The following AUTS2 variants were observed in gnomAD, a reference collection of about 807,000 sequenced individuals.
AUTS2 encodes the protein activator of transcription and developmental regulator AUTS2, also known as autism susceptibility gene 2 protein.
In AUTS2, 17 loss-of-function variants were observed where a neutral mutation model predicts 112.4. That is an observed-to-expected ratio of 0.15 (90% CI 0.10 to 0.23). The LOEUF (loss-of-function observed/expected upper bound fraction) is 0.23. Among genes scored for constraint, AUTS2 ranks in the 10% least tolerant of loss-of-function variants. The pLI is 1.00. For missense variants in AUTS2, 1,510 were observed against 1,701.6 expected (o/e 0.89, Z 1.98); for synonymous variants, 751 against 702.7 (o/e 1.07, Z -1.09).
intron 4 of AUTS2, among the ~76,000 whole-genome samples, chr7:70,268,149 G>A (rs1787524092): frequency 6.6e-6 from 1 of 152,106 alleles, no homozygotes; most frequent in African/African-American, 2.4e-5. Context: ...CCATACATCT[G>A]ACTCCTCCTT....
intron 3 of AUTS2, among the ~76,000 whole-genome samples, chr7:70,130,244 G>GT (rs2129574501): frequency 6.6e-6 from 1 of 152,316 alleles, no homozygotes; most frequent in South Asian, 2.1e-4. Flanking sequence ...CATGTGTCCT[G>GT]TCTGTACTCA....
At chr7:70,452,261 C>A (rs1470253436) in intron 5 of AUTS2, among the ~76,000 whole-genome samples, 2 of 151,960 alleles carry the variant, frequency 1.3e-5, no homozygotes, top group Non-Finnish European at 2.9e-5. Context: ...AAGGTGTAGA[C>A]CAACCTGAGT....
chr7:69,828,962 G>A (rs535307755), intron 1 of AUTS2, among the ~76,000 whole-genome samples: 1 of 152,222 alleles, frequency 6.6e-6, no homozygotes, highest in South Asian at 2.1e-4. Flanking sequence ...ATCCAGTATA[G>A]GAGGCATCAT....
chr7:70,289,297 A>T (rs1001626842), intron 4 of AUTS2, among the ~76,000 whole-genome samples: 11 of 152,256 alleles, frequency 7.2e-5, no homozygotes, highest in Non-Finnish European at 1.5e-4. Flanking sequence ...TTGTAACTGC[A>T]TAAGAATCCA....
At chr7:70,448,610 T>G (rs1440686641) in intron 5 of AUTS2, among the ~76,000 whole-genome samples, 1 of 152,226 alleles carries the variant, frequency 6.6e-6, no homozygotes, top group Non-Finnish European at 1.5e-5. Flanking sequence ...ACAGTAATTA[T>G]TTCTCTCAGA....
chr7:70,496,390 C>G (rs1240971223), intron 5 of AUTS2, among the ~76,000 whole-genome samples: 1 of 113,238 alleles, frequency 8.8e-6, no homozygotes, highest in Non-Finnish European at 1.8e-5. Context: ...TCACACACAC[C>G]ACGTACACAG....
At chr7:69,876,361 T>TAA (rs1272523373) in intron 1 of AUTS2, among the ~76,000 whole-genome samples, 2 of 108,606 alleles carry the variant, frequency 1.8e-5, no homozygotes, top group African/African-American at 3.7e-5. Context: ...TATATATATA[T>TAA]ATATATATAT....
At chr7:70,065,407 A>G (rs1802441407) in intron 2 of AUTS2, among the ~76,000 whole-genome samples, 1 of 152,204 alleles carries the variant, frequency 6.6e-6, no homozygotes, top group Non-Finnish European at 1.5e-5. Flanking sequence ...AAAAATTATT[A>G]TTATTGCCAG....
At chr7:70,734,533 C>T (rs1293992756) in intron 6 of AUTS2, among the ~76,000 whole-genome samples, 1 of 151,920 alleles carries the variant, frequency 6.6e-6, no homozygotes, top group Non-Finnish European at 1.5e-5. Context: ...AAAATCTGTC[C>T]CAGAATGAGG....
chr7:69,784,313 C>T lies in AUTS2; in HGVS notation c.310-114973C>T, dbSNP rs529063026. On this transcript the variant is annotated intron_variant, in intron 1 of 18. Coordinates refer to ENST00000342771, the MANE Select transcript of AUTS2 (RefSeq NM_015570.4). Reference sequence around the variant, plus strand: ...AAAATCCTGGCATGATCTTTCCTCTCATAACTTGAAGTACTCAGCTAGAGG... The same window carrying T: ...AAAATCCTGGCATGATCTTTCCTCTTATAACTTGAAGTACTCAGCTAGAGG... Among the ~76,000 whole-genome samples the T allele has an allele frequency of 3.4e-4, 52 of 152,332 alleles. 1 individual carries two copies. Among genetic ancestry groups the T allele is most frequent in the African/African-American group, 1.1e-3 (45 of 41,588 alleles).
rs1428746227 is a variant in AUTS2, at chr7:70,781,720, G to A, written c.2110G>A (p.Asp704Asn). ...TTTTGGAGCCATCCACCACCCCCATGACCTGGCACGGCCTTCAACTTTGTT... is the reference window on the plus strand; with the variant it reads ...TTTTGGAGCCATCCACCACCCCCATAACCTGGCACGGCCTTCAACTTTGTT... Reference protein sequence around the residue: ...SLFGAIHHPHDLARPSTLFSA... With the variant: ...SLFGAIHHPHNLARPSTLFSA... The change falls in exon 15 of 19, where the codon GAC becomes AAC. Residue 704 changes from aspartate (D) to asparagine (N), a missense_variant. Coordinates refer to ENST00000342771, the MANE Select transcript of AUTS2 (RefSeq NM_015570.4). The A allele has an allele frequency of 2.5e-6, 4 of 1,614,188 alleles. No homozygotes were observed. The South Asian group carries it at 4.4e-5, about 18-fold the overall frequency.
chr7:70,623,523 C>G lies in AUTS2; in HGVS notation c.691-75046C>G, dbSNP rs558070014. Among the ~76,000 whole-genome samples, 11 of 152,282 alleles carry G rather than the reference C, an allele frequency of 7.2e-5. No individual in the cohort carries two copies. In the East Asian group the frequency reaches 2.1e-3, roughly 29 times the overall value. ...ATCAGTTCCTCAGTGACACACTAGC[C>G]AGTTTCAAGAGTACAGTGGTCACTC... On this transcript the variant is annotated intron_variant, in intron 5 of 18. Coordinates refer to ENST00000342771, the MANE Select transcript of AUTS2 (RefSeq NM_015570.4).
At chr7:70,099,633 GTGGCATTT>G (rs1254586063) in intron 2 of AUTS2, among the ~76,000 whole-genome samples, 2 of 151,926 alleles carry the variant, frequency 1.3e-5, no homozygotes, top group Non-Finnish European at 2.9e-5. Context: ...ATTGAGCTCT[GTGGCATTT>G]TTAAGGCAGA....
At chr7:70,093,632 G>A (rs1259660776) in intron 2 of AUTS2, among the ~76,000 whole-genome samples, 1 of 152,194 alleles carries the variant, frequency 6.6e-6, no homozygotes, top group South Asian at 2.1e-4. Flanking sequence ...ACATGTACAG[G>A]TGAGCTGTGT....
chr7:70,542,848 T>C (rs1332992356), intron 5 of AUTS2, among the ~76,000 whole-genome samples: 1 of 152,198 alleles, frequency 6.6e-6, no homozygotes, highest in Non-Finnish European at 1.5e-5. Context: ...TTTCTTCTTA[T>C]ATCAATGATG....
chr7:69,675,555 C>A (rs1345685291), intron 1 of AUTS2, among the ~76,000 whole-genome samples: 1 of 140,224 alleles, frequency 7.1e-6, no homozygotes, highest in Non-Finnish European at 1.5e-5. Flanking sequence ...GTATCCCAGG[C>A]TGGAGTGCAG....
rs148410558 is a variant in AUTS2 at position 70,072,191 on chromosome 7, G to A, written c.523-45941G>A. Among the ~76,000 whole-genome samples, 56 of 151,956 alleles carry A rather than the reference G, an allele frequency of 3.7e-4. No homozygotes were observed. The East Asian group carries it at 0.011, about 29-fold the overall frequency. On this transcript the variant is annotated intron_variant, in intron 2 of 18. Transcript: ENST00000342771. Reference sequence around the variant, plus strand: ...ATCTTACCTTCCCTCCGTGATCCCTGCCAGCCCCTCCTTTCTTATTATAGC... The same window carrying A: ...ATCTTACCTTCCCTCCGTGATCCCTACCAGCCCCTCCTTTCTTATTATAGC...
intron 3 of AUTS2, among the ~76,000 whole-genome samples, chr7:70,121,863 A>T (rs1408900751): frequency 6.6e-6 from 1 of 152,202 alleles, no homozygotes; most frequent in Non-Finnish European, 1.5e-5. Flanking sequence ...CATGAACTTA[A>T]ACAGAGACTT....
intron 5 of AUTS2, among the ~76,000 whole-genome samples, chr7:70,600,240 G>A (rs1312560917): frequency 6.6e-6 from 1 of 152,120 alleles, no homozygotes; most frequent in Non-Finnish European, 1.5e-5. Context: ...GTACAATTCA[G>A]TAATTTTGTG....
Sources: allele counts gnomAD v4.1 joint callset (sites outside exome capture counted in the v4.1 genomes callset), GRCh38; gene constraint gnomAD v4.1.1; transcripts MANE v1.5; gene names NCBI Gene and HGNC (gene_info 2026-07-23, HGNC 2026-07-21).